Variants in FYN observed in about 807,000 individuals in gnomAD.
FYN encodes tyrosine-protein kinase Fyn.
In FYN, 10 loss-of-function variants were observed where a neutral mutation model predicts 70.2. The ratio of observed to expected loss-of-function variants is 0.14; its 90% confidence interval spans 0.09 to 0.24. The LOEUF is 0.24. Ranked by LOEUF, FYN falls within the 10% of genes least tolerant of loss-of-function variation. The pLI is 1.00. For synonymous variants in FYN, 236 were observed against 248.6 expected (o/e 0.95, Z 0.48); for missense variants, 319 against 673.1 (o/e 0.47, Z 5.82).
intron 9 of FYN, chr6:111,699,731 C>G: frequency 6.7e-7 from 1 of 1,491,698 alleles, no homozygotes. Context: ...TATGCATGCA[C>G]TAGGAAAGAT....
intron 12 of FYN, among the ~76,000 whole-genome samples, chr6:111,679,935 G>A (rs1798714565): frequency 6.6e-6 from 1 of 152,044 alleles, no homozygotes; most frequent in African/African-American, 2.4e-5. Flanking sequence ...AGGTGGCAAG[G>A]GGCCTTGGGA....
chr6:111,715,308 T>C (rs1800577611), intron 4 of FYN, among the ~76,000 whole-genome samples: 3 of 152,032 alleles, frequency 2.0e-5, no homozygotes, highest in Admixed American at 2.0e-4. Context: ...CTCGAATTCC[T>C]GGGTGCAAGT....
intron 1 of FYN, among the ~76,000 whole-genome samples, chr6:111,859,459 T>C (rs1160192359): frequency 2.6e-5 from 4 of 152,208 alleles, no homozygotes; most frequent in Admixed American, 1.3e-4. Flanking sequence ...GAATTTTTTC[T>C]AGATTCTCCA....
intron 13 of FYN, among the ~76,000 whole-genome samples, chr6:111,666,466 A>G (rs1798011426): frequency 6.6e-6 from 1 of 152,072 alleles, no homozygotes; most frequent in Non-Finnish European, 1.5e-5. Context: ...TTCTAGCCTC[A>G]CGGGAGCCAC....
At chr6:111,696,625 G>GA (rs1444532922) in intron 9 of FYN, 169 bp from the exon 10 acceptor site, 7 of 495,676 alleles carry the variant, frequency 1.4e-5, no homozygotes, top group Non-Finnish European at 2.1e-5. Context: ...TATTTTAACA[G>GA]AAAAAATGAG....
chr6:111,771,510 T>A (rs1324807255), intron 3 of FYN, among the ~76,000 whole-genome samples: 1 of 152,142 alleles, frequency 6.6e-6, no homozygotes, highest in African/African-American at 2.4e-5. Context: ...TTTCCCCCTC[T>A]TCAAAAAATC....
chr6:111,784,308 C>T (rs951912204), intron 2 of FYN, among the ~76,000 whole-genome samples: 3 of 152,176 alleles, frequency 2.0e-5, no homozygotes, highest in Non-Finnish European at 2.9e-5. Context: ...TTACCTGCAG[C>T]TGGAAAACAT....
chr6:111,690,193 A>G (rs1361556677), intron 12 of FYN, among the ~76,000 whole-genome samples: 1 of 152,100 alleles, frequency 6.6e-6, no homozygotes, highest in Admixed American at 6.5e-5. Flanking sequence ...TGTGGTATGG[A>G]CAAGAAGATG....
chr6:111,775,309 T>C (rs768763722), intron 3 of FYN, among the ~76,000 whole-genome samples: 3 of 152,190 alleles, frequency 2.0e-5, no homozygotes, highest in African/African-American at 7.2e-5. Context: ...ACTTGGGTGA[T>C]TGTAGCAGAG....
At chr6:111,807,073 C>T (rs567862444) in intron 2 of FYN, among the ~76,000 whole-genome samples, 185 of 152,160 alleles carry the variant, frequency 1.2e-3, no homozygotes, top group Non-Finnish European at 1.9e-3. Context: ...TTTCTGGCTG[C>T]GCTGTGTGTG....
intron 2 of FYN, among the ~76,000 whole-genome samples, chr6:111,807,825 C>T (rs1392654050): frequency 6.6e-6 from 1 of 152,048 alleles, no homozygotes; most frequent in African/African-American, 2.4e-5. Flanking sequence ...AAGGTGAGGT[C>T]AGGGCCGGAT....
intron 3 of FYN, among the ~76,000 whole-genome samples, chr6:111,770,953 G>A (rs1021092039): frequency 7.9e-5 from 12 of 152,226 alleles, no homozygotes; most frequent in African/African-American, 2.2e-4. Flanking sequence ...ACCATAGCAA[G>A]GTTTACCTGG....
intron 2 of FYN, among the ~76,000 whole-genome samples, 164 bp from the exon 3 acceptor site, chr6:111,780,799 T>C (rs1771144151): frequency 6.6e-6 from 1 of 152,202 alleles, no homozygotes; most frequent in Non-Finnish European, 1.5e-5. Flanking sequence ...CCCAGGAAGA[T>C]GAAACCAATT....
chr6:111,823,947 T>G (rs1361095193), intron 2 of FYN, among the ~76,000 whole-genome samples: 1 of 152,220 alleles, frequency 6.6e-6, no homozygotes, highest in African/African-American at 2.4e-5. Context: ...AGAATGCTAT[T>G]TTTAATCAGT....
At chr6:111,749,341 A>G (rs1802384736) in intron 3 of FYN, among the ~76,000 whole-genome samples, 1 of 152,244 alleles carries the variant, frequency 6.6e-6, no homozygotes. Flanking sequence ...TTTATGATAC[A>G]CAGACTGAGC....
Position 111,720,004 on chromosome 6 carries a change from C to T in FYN, c.48G>A (p.Glu16=), listed in dbSNP as rs532743028. The T allele has an allele frequency of 6.2e-6, 10 of 1,613,024 alleles. No homozygotes were observed. The South Asian group carries it at 1.1e-4, about 18-fold the overall frequency. ...TCTGGTTCAGGCTGCCGTCCCTCTC[C>T]TCCGTCAGTTTTGTTGCTTCTTTAT... ...CKDKEATKLT[E]ERDGSLNQSS... Residue 16 remains glutamate, a synonymous_variant, in exon 4 of 14, where the codon GAG becomes GAA. Coordinates refer to ENST00000354650, the MANE Select transcript of FYN (RefSeq NM_002037.5).
chr6:111,759,329 G>T (rs571602592), intron 3 of FYN, among the ~76,000 whole-genome samples: 1 of 152,152 alleles, frequency 6.6e-6, no homozygotes, highest in South Asian at 2.1e-4. Flanking sequence ...TCCTGACAAT[G>T]ATTTTGTCAG....
intron 3 of FYN, among the ~76,000 whole-genome samples, chr6:111,738,470 G>A (rs866007425): frequency 1.6e-4 from 25 of 152,234 alleles, no homozygotes; most frequent in African/African-American, 5.5e-4. Flanking sequence ...CTGCTCACTG[G>A]AGAGGGGTAA....
chr6:111,674,349 C>T (rs1798442739), intron 13 of FYN, 150 bp downstream of exon 13: 2 of 825,810 alleles, frequency 2.4e-6, no homozygotes, highest in East Asian at 5.3e-5. Context: ...TTCTGCTTTT[C>T]TCTCGCTGAA....
Sources: allele counts gnomAD v4.1 joint callset (sites outside exome capture counted in the v4.1 genomes callset), GRCh38; gene constraint gnomAD v4.1.1; transcripts MANE v1.5; gene names NCBI Gene and HGNC (gene_info 2026-07-23, HGNC 2026-07-21).